Variants in ANK3 observed in about 807,000 individuals in gnomAD.
ANK3 encodes the protein ankyrin-3.
In ANK3, 57 loss-of-function variants were observed where a neutral mutation model predicts 370.9. The ratio of observed to expected loss-of-function variants is 0.15; its 90% CI spans 0.12 to 0.19. The LOEUF (loss-of-function observed/expected upper bound fraction) is 0.19, where lower values mean the gene tolerates loss of function less well. ANK3 is among the 10% of genes least tolerant of loss of function. ANK3 has a pLI of 1.00. For missense variants in ANK3, 4,439 were observed against 5,302.1 expected (o/e 0.84, Z 5.06); for synonymous variants, 1,929 against 1,946.3 (o/e 0.99, Z 0.23).
intron 1 of ANK3, among the ~76,000 whole-genome samples, chr10:60,375,053 A>G: frequency 6.6e-6 from 1 of 151,390 alleles, no homozygotes; most frequent in East Asian, 1.9e-4. Flanking sequence ...ACAGAAAAAC[A>G]TTGAAAAAAT....
At chr10:60,491,362 T>A (rs1450537078) in intron 2 of ANK3, among the ~76,000 whole-genome samples, 1 of 152,192 alleles carries the variant, frequency 6.6e-6, no homozygotes, top group East Asian at 1.9e-4. Flanking sequence ...CTTGGCAAAA[T>A]GCAGGAAGAA....
At chr10:60,095,407 G>T (rs1053176324) in intron 28 of ANK3, among the ~76,000 whole-genome samples, 4 of 152,258 alleles carry the variant, frequency 2.6e-5, no homozygotes, top group African/African-American at 9.6e-5. Context: ...TAGATACGAG[G>T]TTTCACTTTG....
chr10:60,643,320 C>T (rs937597824), intron 1 of ANK3, among the ~76,000 whole-genome samples: 1 of 152,076 alleles, frequency 6.6e-6, no homozygotes, highest in African/African-American at 2.4e-5. Flanking sequence ...AATGTAAAAA[C>T]GTGAGACTGG....
At position 60,420,663 on chromosome 10, in the gene ANK3, A is replaced by G. The variant is rs1434832581; in HGVS notation, c.97-141024T>C. On this transcript the variant is annotated intron_variant, in intron 2 of 43. Coordinates refer to the ANK3 transcript ENST00000373827. ...TCAAAATGAACCATTATTACACCTG[A>G]AATCCTGTTGTCCCCTAAATGAACA... Among the ~76,000 whole-genome samples, 7 of 152,120 alleles carry G rather than the reference A, an allele frequency of 4.6e-5. No homozygotes were observed. In the South Asian group the frequency reaches 1.2e-3, roughly 27 times the overall value.
At chr10:60,189,998 G>T (rs181729712) in intron 16 of ANK3, among the ~76,000 whole-genome samples, 182 of 152,164 alleles carry the variant, frequency 1.2e-3, no homozygotes, top group African/African-American at 4.2e-3. Context: ...TTAGTATCCA[G>T]GTTATGCCTG....
chr10:60,037,615 A>C (rs2131850892), intron 43 of ANK3, among the ~76,000 whole-genome samples: 1 of 140,938 alleles, frequency 7.1e-6, no homozygotes, highest in East Asian at 2.0e-4. Context: ...TGCAAAGGAC[A>C]TGCTCTCACT....
At chr10:60,148,505 G>A (rs954818393) in intron 23 of ANK3, among the ~76,000 whole-genome samples, 1 of 152,128 alleles carries the variant, frequency 6.6e-6, no homozygotes, top group Non-Finnish European at 1.5e-5. Flanking sequence ...GAGAATTCAG[G>A]TTTTTCCTAT....
intron 1 of ANK3, among the ~76,000 whole-genome samples, chr10:60,639,878 C>A (rs2078606310): frequency 6.6e-6 from 1 of 151,596 alleles, no homozygotes; most frequent in Admixed American, 6.6e-5. Flanking sequence ...TTACATTTAC[C>A]ATAAATCATT....
chr10:60,273,025 G>A (rs1019722375), intron 4 of ANK3, among the ~76,000 whole-genome samples: 14 of 152,098 alleles, frequency 9.2e-5, no homozygotes, highest in African/African-American at 3.4e-4. Context: ...CTCAGGCACT[G>A]GGTTTTAAGG....
At chr10:60,651,147 A>C (rs1588973722) in intron 1 of ANK3, among the ~76,000 whole-genome samples, 1 of 152,194 alleles carries the variant, frequency 6.6e-6, no homozygotes, top group East Asian at 1.9e-4. Context: ...ATGTATATGA[A>C]TGTGTACACA....
At chr10:60,361,673 T>G (rs1594497837) in intron 1 of ANK3, among the ~76,000 whole-genome samples, 2 of 152,294 alleles carry the variant, frequency 1.3e-5, no homozygotes, top group South Asian at 4.1e-4. Flanking sequence ...GTGGAAGAGA[T>G]GTAGTCCAAG....
At chr10:60,097,539 T>C (rs2090380090) in intron 28 of ANK3, among the ~76,000 whole-genome samples, 1 of 152,184 alleles carries the variant, frequency 6.6e-6, no homozygotes, top group Admixed American at 6.5e-5. Flanking sequence ...TGAGGCTTTG[T>C]TACAAACAAC....
intron 2 of ANK3, among the ~76,000 whole-genome samples, chr10:60,422,839 T>A (rs2063805755): frequency 6.6e-6 from 1 of 152,086 alleles, no homozygotes; most frequent in South Asian, 2.1e-4. Flanking sequence ...GTGGGAGTGA[T>A]TTTCAGTAGT....
chr10:60,611,489 T>G (rs1345429080), intron 2 of ANK3, among the ~76,000 whole-genome samples: 4 of 152,140 alleles, frequency 2.6e-5, no homozygotes, highest in African/African-American at 9.7e-5. Flanking sequence ...AACAAACTTT[T>G]GCAAGCAACC....
chr10:60,156,883 A>T (rs1160618444), intron 23 of ANK3, among the ~76,000 whole-genome samples: 4 of 152,200 alleles, frequency 2.6e-5, no homozygotes, highest in Admixed American at 6.5e-5. Context: ...ATGCCCAGGT[A>T]TCAACAAATG....
intron 43 of ANK3, among the ~76,000 whole-genome samples, chr10:60,042,380 A>C (rs1028336200): frequency 4.6e-5 from 7 of 152,248 alleles, no homozygotes; most frequent in Non-Finnish European, 1.0e-4. Context: ...TGTATTTCAT[A>C]GTGAGCCTTT....
chr10:60,683,586 T>C (rs2079225585), intron 1 of ANK3, among the ~76,000 whole-genome samples: 1 of 152,226 alleles, frequency 6.6e-6, no homozygotes, highest in Non-Finnish European at 1.5e-5. Context: ...TTCTTCCATA[T>C]CCATTCTAAA....
intron 25 of ANK3, among the ~76,000 whole-genome samples, chr10:60,120,854 C>T (rs1340159924): frequency 2.6e-5 from 4 of 151,982 alleles, no homozygotes; most frequent in Admixed American, 2.0e-4. Context: ...AAAAGGGAAC[C>T]CTCTTACACT....
intron 2 of ANK3, among the ~76,000 whole-genome samples, chr10:60,515,973 T>C (rs2076208095): frequency 6.6e-6 from 1 of 152,104 alleles, no homozygotes; most frequent in Non-Finnish European, 1.5e-5. Flanking sequence ...GGGAGATAGA[T>C]GACCTCAAGC....
Sources: gnomAD v4.1 joint callset for allele counts (sites outside exome capture counted in the v4.1 genomes callset) on GRCh38, gnomAD v4.1.1 for gene constraint, MANE v1.5 for transcripts, NCBI Gene and HGNC (gene_info 2026-07-23, HGNC 2026-07-21) for gene names.